Variants in TBC1D5 observed in about 807,000 individuals in gnomAD.
TBC1D5 encodes the protein TBC1 domain family member 5.
In TBC1D5, 75 loss-of-function variants were observed where a neutral mutation model predicts 100.3. The observed-to-expected ratio is 0.75, with a 90% CI of 0.62 to 0.91. The LOEUF is 0.91. Ranked by LOEUF, TBC1D5 falls within the 40% of genes least tolerant of loss-of-function variation. The probability of loss-of-function intolerance (pLI) is 0.00; values close to 1 mark genes in which losing one functional copy is unlikely to be tolerated. For synonymous variants in TBC1D5, 323 were observed against 325.6 expected, an observed-to-expected ratio of 0.99 and a Z score of 0.09; for missense variants, 910 against 942.4, an observed-to-expected ratio of 0.97 and a Z score of 0.45.
intron 2 of TBC1D5, among the ~76,000 whole-genome samples, chr3:17,548,460 A>T (rs528675389): frequency 6.6e-6 from 1 of 152,272 alleles, no homozygotes; most frequent in Non-Finnish European, 1.5e-5. Flanking sequence ...TGTATTATAA[A>T]AGGAAAAATA....
In TBC1D5 at chr3:17,726,644, T is replaced by C. The variant is rs539368716; in HGVS notation, c.-101+12699A>G. 2.9e-4 allele frequency among the ~76,000 whole-genome samples: 44 copies of C among 152,334 alleles called. 1 individual carries two copies. The highest frequency in any genetic ancestry group is 3.1e-4 in the Non-Finnish European group (21 of 68,024). On this transcript the variant is annotated intron_variant, in intron 1 of 21. Transcript: ENST00000253692. ...TGTTGGATGGATAGTTTAGAAATAT[T>C]TCCCCCCATTCTGTAGGTTGTCTGT...
chr3:17,196,541 T>C (rs116229812), intron 18 of TBC1D5, among the ~76,000 whole-genome samples: 2,082 of 152,292 alleles, frequency 0.014, 40 homozygotes, highest in African/African-American at 0.047. Context: ...TAAAGGGCCC[T>C]ACAGGGCATA....
At chr3:17,498,311 A>C (rs189710472) in intron 3 of TBC1D5, among the ~76,000 whole-genome samples, 67 of 152,310 alleles carry the variant, frequency 4.4e-4, no homozygotes, top group African/African-American at 1.5e-3. Context: ...TATTTGATTA[A>C]CAAGGAAGCC....
At chr3:17,619,544 GA>G (rs1464023843) in intron 2 of TBC1D5, among the ~76,000 whole-genome samples, 1 of 152,050 alleles carries the variant, frequency 6.6e-6, no homozygotes, top group East Asian at 1.9e-4. Flanking sequence ...CAATAGACGA[GA>G]AAAAAAGATA....
At chr3:17,224,491 T>C (rs1048123953) in intron 17 of TBC1D5, among the ~76,000 whole-genome samples, 1 of 152,200 alleles carries the variant, frequency 6.6e-6, no homozygotes, top group African/African-American at 2.4e-5. Flanking sequence ...TCATACTAAG[T>C]CTTCAAAATG....
chr3:17,410,692 G>A (rs2093900386), intron 4 of TBC1D5, among the ~76,000 whole-genome samples: 1 of 152,228 alleles, frequency 6.6e-6, no homozygotes, highest in Non-Finnish European at 1.5e-5. Flanking sequence ...TTCAGTGGAA[G>A]AAGTAACTAG....
intron 1 of TBC1D5, among the ~76,000 whole-genome samples, chr3:17,675,715 G>A (rs2068540426): frequency 6.6e-6 from 1 of 152,062 alleles, no homozygotes; most frequent in Non-Finnish European, 1.5e-5. Flanking sequence ...TAATTATGAT[G>A]GTGAAATTTC....
intron 3 of TBC1D5, among the ~76,000 whole-genome samples, chr3:17,483,382 G>A (rs1004133750): frequency 1.3e-5 from 2 of 152,068 alleles, no homozygotes; most frequent in Non-Finnish European, 2.9e-5. Context: ...TCTACAGAAG[G>A]TCTAAATGAA....
At chr3:17,586,094 G>A (rs944837081) in intron 2 of TBC1D5, among the ~76,000 whole-genome samples, 1 of 152,068 alleles carries the variant, frequency 6.6e-6, no homozygotes, top group Non-Finnish European at 1.5e-5. Flanking sequence ...TAACTGTGAA[G>A]AAAAACAATG....
intron 2 of TBC1D5, among the ~76,000 whole-genome samples, chr3:17,533,831 G>C (rs2096257095): frequency 6.6e-6 from 1 of 152,126 alleles, no homozygotes; most frequent in Non-Finnish European, 1.5e-5. Flanking sequence ...TAGGAAGTCA[G>C]TGTCTGTTTC....
At position 17,336,786 on chromosome 3, in the gene TBC1D5, C is replaced by T. The variant is rs145989945; in HGVS notation, c.996-28652G>A. 1.0e-3 allele frequency among the ~76,000 whole-genome samples: 151 copies of T among 151,628 alleles called. 1 individual carries two copies. The highest frequency in any genetic ancestry group is 3.2e-3 in the African/African-American group (134 of 41,310). The stretch of plus-strand genomic sequence containing the variant: ...AAATCTATTTTAGTAAAGAAGAAAG[C>T]GTCGATGATATTAGGTGAATAAATA... On this transcript the variant is annotated intron_variant, in intron 13 of 21. Transcript: ENST00000253692.
chr3:17,575,109 G>C lies in TBC1D5; in HGVS notation c.-36+48740C>G, dbSNP rs1209152431. The C allele has an allele frequency of 2.6e-5, 4 of 152,222 alleles. No homozygotes were observed. The East Asian group carries it at 5.8e-4, about 22-fold the overall frequency. The allele number at this position is 152,222 out of a possible 1,614,324, so 9.4% of individuals were successfully genotyped here. ...GGAGGCCAAGGCAGGAGGACTGCTTGAGCCCAGGAGATCTGAGACTAGCCT... is the reference window on the plus strand; with the variant it reads ...GGAGGCCAAGGCAGGAGGACTGCTTCAGCCCAGGAGATCTGAGACTAGCCT... On this transcript the variant is annotated intron_variant, in intron 2 of 21. Coordinates refer to ENST00000253692, the Ensembl canonical transcript of TBC1D5.
intron 13 of TBC1D5, among the ~76,000 whole-genome samples, chr3:17,348,348 G>A (rs1213316338): frequency 6.6e-6 from 1 of 152,128 alleles, no homozygotes; most frequent in Admixed American, 6.6e-5. Flanking sequence ...TCCATTTTTA[G>A]TGTATATGCA....
chr3:17,482,683 TA>T (rs2095514891), intron 3 of TBC1D5, among the ~76,000 whole-genome samples: 1 of 152,256 alleles, frequency 6.6e-6, no homozygotes, highest in Non-Finnish European at 1.5e-5. Flanking sequence ...TACCAGTGTG[TA>T]TTTATTTTTG....
intron 1 of TBC1D5, among the ~76,000 whole-genome samples, chr3:17,675,351 G>C (rs928806087): frequency 2.6e-5 from 4 of 152,046 alleles, no homozygotes; most frequent in African/African-American, 9.7e-5. Context: ...AAAGATAGCT[G>C]AACTAGTAGA....
chr3:17,661,935 G>A (rs1223300406), intron 1 of TBC1D5, among the ~76,000 whole-genome samples: 2 of 151,958 alleles, frequency 1.3e-5, no homozygotes, highest in African/African-American at 4.8e-5. Flanking sequence ...CTGTCGCCCA[G>A]GCTGCTGTGC....
At chr3:17,403,025 C>A (rs2152426539) in intron 8 of TBC1D5, among the ~76,000 whole-genome samples, 156 bp downstream of exon 8, 1 of 152,078 alleles carries the variant, frequency 6.6e-6, no homozygotes, top group African/African-American at 2.4e-5. Context: ...AGAAAACAAT[C>A]CTTATTATCA....
intron 13 of TBC1D5, among the ~76,000 whole-genome samples, chr3:17,323,482 C>G (rs902580813): frequency 2.2e-4 from 33 of 151,644 alleles, no homozygotes; most frequent in African/African-American, 7.3e-4. Context: ...TGTACAAAAA[C>G]AAAACACTAT....
At chr3:17,283,699 T>C (rs1239935740) in intron 15 of TBC1D5, among the ~76,000 whole-genome samples, 1 of 151,962 alleles carries the variant, frequency 6.6e-6, no homozygotes, top group Non-Finnish European at 1.5e-5. Flanking sequence ...TTGCCAAGAA[T>C]CACCGAGAAT....
Sources: gnomAD v4.1 joint callset for allele counts (sites outside exome capture counted in the v4.1 genomes callset) on GRCh38, gnomAD v4.1.1 for gene constraint, MANE v1.5 for transcripts, NCBI Gene and HGNC (gene_info 2026-07-23, HGNC 2026-07-21) for gene names.